The following MAF variants were observed in gnomAD, a reference collection of about 807,000 sequenced individuals.
The protein encoded by MAF is transcription factor Maf.
In MAF, 10 loss-of-function variants were observed where a neutral mutation model predicts 22.0. That is an observed-to-expected ratio of 0.45 (90% CI 0.28 to 0.77). The LOEUF is 0.77. Among genes scored for constraint, MAF ranks in the 30% least tolerant of loss-of-function variants. The pLI, the probability that MAF is intolerant of heterozygous loss-of-function variation, is 0.12. For missense variants in MAF, 544 were observed against 548.4 expected, an observed-to-expected ratio of 0.99 and a Z score of 0.08; for synonymous variants, 337 against 255.8, an observed-to-expected ratio of 1.32 and a Z score of -3.03.
In MAF at chr16:79,599,514, C is replaced by T; in HGVS notation, c.389G>A (p.Gly130Asp). ...CAGCTGCTGCGCCCCGCGCGCGTAGCCATCGAAGCCGCCCTGGAGCTGGTG... is the reference window on the plus strand; with the variant it reads ...CAGCTGCTGCGCCCCGCGCGCGTAGTCATCGAAGCCGCCCTGGAGCTGGTG... ...NSHQLQGGFD[G>D]YARGAQQLAA... Residue 130 changes from glycine (G) to aspartate (D), a missense_variant, in exon 1 of 2, where the codon GGC (glycine) becomes GAC (aspartate). By Grantham distance (94) the Gly-to-Asp change is moderately conservative. Coordinates refer to ENST00000326043, the MANE Select transcript of MAF (RefSeq NM_005360.5). 1.3e-6 allele frequency: 2 copies of T among 1,526,788 alleles called. No individual in the cohort carries two copies. Among genetic ancestry groups the T allele is most frequent in the African/African-American group, 1.4e-5 (1 of 71,016 alleles). 94.6% of individuals were successfully genotyped at this position (1,526,788 alleles called of 1,614,324 possible). A position where few individuals can be genotyped will look rare whatever the true frequency, so the allele number is the denominator to read the frequency against.
the MAF span, among the ~76,000 whole-genome samples, chr16:79,354,343 C>T: frequency 6.6e-6 from 1 of 152,094 alleles, no homozygotes; most frequent in South Asian, 2.1e-4. Flanking sequence ...AGGAGAGGAA[C>T]ACACGAGATG....
At chr16:79,344,633 T>G in the MAF span, among the ~76,000 whole-genome samples, 5 of 152,308 alleles carry the variant, frequency 3.3e-5, no homozygotes, top group African/African-American at 4.8e-5. Flanking sequence ...GTATCCCAGA[T>G]GACTCTTATC....
chr16:79,356,677 C>G, the MAF span, among the ~76,000 whole-genome samples: 4 of 152,188 alleles, frequency 2.6e-5, no homozygotes, highest in South Asian at 2.1e-4. Context: ...CACTTCCCCC[C>G]ACTTTCCACT....
the MAF span, among the ~76,000 whole-genome samples, chr16:79,475,686 T>G: frequency 6.6e-6 from 1 of 152,152 alleles, no homozygotes; most frequent in Non-Finnish European, 1.5e-5. Context: ...CTAAGATTTG[T>G]GCATTTCAAT....
At chr16:79,464,865 T>C in the MAF span, among the ~76,000 whole-genome samples, 1 of 152,180 alleles carries the variant, frequency 6.6e-6, no homozygotes, top group Non-Finnish European at 1.5e-5. Flanking sequence ...TTTCCCACCA[T>C]GGCTTGTGTA....
At chr16:79,313,670 G>A in the MAF span, among the ~76,000 whole-genome samples, 1 of 152,160 alleles carries the variant, frequency 6.6e-6, no homozygotes, top group African/African-American at 2.4e-5. Context: ...GGCCTTGGGT[G>A]AGGACTTCTG....
chr16:79,321,645 CTTTTTTTTTT>C, the MAF span, among the ~76,000 whole-genome samples: 674 of 86,978 alleles, frequency 7.7e-3, 6 homozygotes, highest in African/African-American at 0.025. Context: ...TTTTCTTTTT[CTTTTTTTTTT>C]TTTTTTTTTT....
the MAF span, among the ~76,000 whole-genome samples, chr16:79,267,326 G>T: frequency 6.6e-6 from 1 of 152,192 alleles, no homozygotes; most frequent in African/African-American, 2.4e-5. Flanking sequence ...CCTGGAAGTG[G>T]TTCACGTGGT....
the MAF span, among the ~76,000 whole-genome samples, chr16:79,317,975 A>G: frequency 0.032 from 4,833 of 152,206 alleles, 88 homozygotes; most frequent in African/African-American, 0.06. Context: ...TTCCCTGAGC[A>G]AAGAGCCACA....
chr16:79,213,943 A>T, the MAF span, among the ~76,000 whole-genome samples: 1 of 151,890 alleles, frequency 6.6e-6, no homozygotes, highest in Non-Finnish European at 1.5e-5. Context: ...CTCTAATCTC[A>T]ACTTCCAGCA....
At chr16:79,504,757 C>G in the MAF span, among the ~76,000 whole-genome samples, 1 of 152,176 alleles carries the variant, frequency 6.6e-6, no homozygotes, top group Non-Finnish European at 1.5e-5. Flanking sequence ...ACCTGGCAAT[C>G]TCATACATTG....
chr16:79,502,212 C>T, the MAF span, among the ~76,000 whole-genome samples: 1 of 152,312 alleles, frequency 6.6e-6, no homozygotes, highest in East Asian at 1.9e-4. Context: ...GGCCCGGCTA[C>T]TTCCATCAGC....
chr16:79,521,172 T>C, the MAF span, among the ~76,000 whole-genome samples: 1 of 152,188 alleles, frequency 6.6e-6, no homozygotes. Context: ...GAACATCTTA[T>C]GCTCAAGTGA....
At chr16:79,391,250 C>T in the MAF span, among the ~76,000 whole-genome samples, 1 of 152,182 alleles carries the variant, frequency 6.6e-6, no homozygotes, top group Non-Finnish European at 1.5e-5. Context: ...ATAATAATGA[C>T]ATGCTTCTCA....
chr16:79,344,340 C>T, the MAF span, among the ~76,000 whole-genome samples: 3 of 152,208 alleles, frequency 2.0e-5, no homozygotes, highest in Non-Finnish European at 2.9e-5. Flanking sequence ...TCTTCAAGAT[C>T]GGGGCTTCCC....
the MAF span, among the ~76,000 whole-genome samples, chr16:79,303,869 C>G: frequency 6.6e-6 from 1 of 151,940 alleles, no homozygotes; most frequent in African/African-American, 2.4e-5. Flanking sequence ...TAATTTATAC[C>G]AGAAAGTCAA....
chr16:79,480,417 C>A, the MAF span, among the ~76,000 whole-genome samples: 2 of 151,700 alleles, frequency 1.3e-5, no homozygotes, highest in African/African-American at 4.8e-5. Flanking sequence ...CTAGTGTGAC[C>A]CAGATTGAGA....
chr16:79,451,918 C>T, the MAF span, among the ~76,000 whole-genome samples: 9 of 152,292 alleles, frequency 5.9e-5, no homozygotes, highest in South Asian at 1.9e-3. Context: ...TTACTGAGCA[C>T]TTACATGTGT....
At chr16:79,324,237 T>C in the MAF span, among the ~76,000 whole-genome samples, 1 of 152,228 alleles carries the variant, frequency 6.6e-6, no homozygotes, top group African/African-American at 2.4e-5. Context: ...TCATTCTGCC[T>C]TCTCATTGCC....
Sources: gnomAD v4.1 joint callset for allele counts (sites outside exome capture counted in the v4.1 genomes callset) on GRCh38, gnomAD v4.1.1 for gene constraint, MANE v1.5 for transcripts, NCBI Gene and HGNC (gene_info 2026-07-23, HGNC 2026-07-21) for gene names.